The following ZFC3H1 variants were observed in gnomAD, a reference collection of about 807,000 sequenced individuals.
ZFC3H1 encodes zinc finger C3H1 domain-containing protein.
ZFC3H1 carries 71 observed loss-of-function variants against 243.7 expected under a neutral mutation model. That is an observed-to-expected ratio of 0.29 (90% CI 0.24 to 0.36). The LOEUF (loss-of-function observed/expected upper bound fraction) is 0.36. Ranked by LOEUF, ZFC3H1 falls within the 10% of genes least tolerant of loss-of-function variation. ZFC3H1 has a pLI of 1.00. For missense variants in ZFC3H1, 1,966 were observed against 2,317.1 expected, an observed-to-expected ratio of 0.85 and a Z score of 3.11; for synonymous variants, 838 against 813.0, an observed-to-expected ratio of 1.03 and a Z score of -0.52.
At chr12:71,621,699 C>A (rs1461397652) in intron 24 of ZFC3H1, among the ~76,000 whole-genome samples, 1 of 152,148 alleles carries the variant, frequency 6.6e-6, no homozygotes, top group Non-Finnish European at 1.5e-5. Context: ...CAAAATCAGT[C>A]TTCCCAACTT....
At chr12:71,661,210 G>T (rs1486586435) in intron 1 of ZFC3H1, among the ~76,000 whole-genome samples, 2 of 151,698 alleles carry the variant, frequency 1.3e-5, no homozygotes, top group Non-Finnish European at 2.9e-5. Flanking sequence ...GACTGAGGCC[G>T]AATGGCGTGA....
chr12:71,644,678 C>T (rs1337570946), intron 4 of ZFC3H1, among the ~76,000 whole-genome samples, 199 bp downstream of exon 4: 6 of 151,856 alleles, frequency 4.0e-5, no homozygotes, highest in African/African-American at 9.7e-5. Context: ...ATTAGCCAGG[C>T]GTGGTGGTGG....
intron 2 of ZFC3H1, among the ~76,000 whole-genome samples, chr12:71,649,716 A>G (rs1378885890): frequency 2.0e-5 from 3 of 152,220 alleles, no homozygotes; most frequent in Non-Finnish European, 4.4e-5. Context: ...GGAAACATTA[A>G]ACACTAAATT....
In ZFC3H1 at chr12:71,657,120, A is replaced by G; in HGVS notation, c.780T>C (p.Asp260=). 6.2e-7 allele frequency: 1 copy of G among 1,613,932 alleles called. No individual in the cohort carries two copies. The highest frequency in any genetic ancestry group is 2.2e-5 in the East Asian group (1 of 44,814). ...GGTCCTCGAAGTTCAATGTTTTAGG[A>G]TCTTCCTGCACATTCTCTTCTTTGC... The part of the protein sequence containing the change: ...LSSKEENVQE[D]PKTLNFEDQT... The change falls in exon 2 of 35, where the codon GAT becomes GAC. Residue 260 remains aspartate, a synonymous_variant. Transcript: ENST00000378743.
Position 71,636,854 on chromosome 12 carries a change from G to A in ZFC3H1, c.1931C>T (p.Pro644Leu), listed in dbSNP as rs2137540134. The change falls in exon 8 of 35, where the codon CCA becomes CTA. Residue 644 changes from proline to leucine, a missense_variant. Physicochemically the swap from Pro to Leu is moderately conservative, Grantham distance 98. Transcript: ENST00000378743. ...KSLANKRAFK[P>L]EETSSNSDPP... ...AGGTTTAGGTACCTAAATTACCTCT[G>A]GCTTAAAAGCTCTTTTATTTGCTAG... is the stretch of plus-strand genomic sequence containing the variant. 5 of 1,613,758 alleles carry A rather than the reference G, an allele frequency of 3.1e-6. No homozygotes were observed. The highest frequency in any genetic ancestry group is 1.3e-5 in the African/African-American group (1 of 74,970).
In ZFC3H1 at chr12:71,631,884, T is replaced by A; in HGVS notation, c.3364A>T (p.Ile1122Phe). The part of the protein sequence containing the change: ...ITEKVLHGQE[I>F]SVDVDFVTAQ... ...GTGACAAAATCCACATCTACAGAAA[T>A]CTCCTGCAAAAGAAAATAATAATTC... Residue 1122 changes from isoleucine (I) to phenylalanine (F), a missense_variant, in exon 16 of 35, where the codon ATT becomes TTT. This residue lies in a region of ZFC3H1 where 1,383 missense variants were observed against 1,723.7 expected (regional missense o/e 0.80). Coordinates refer to ENST00000378743, the MANE Select transcript of ZFC3H1 (RefSeq NM_144982.5). The A allele has an allele frequency of 6.2e-7, 1 of 1,609,206 alleles. No individual in the cohort carries two copies. The highest frequency in any genetic ancestry group is 8.5e-7 in the Non-Finnish European group (1 of 1,178,662).
At chr12:71,612,176 C>A (rs1234696979) in intron 31 of ZFC3H1, among the ~76,000 whole-genome samples, 1 of 151,008 alleles carries the variant, frequency 6.6e-6, no homozygotes, top group African/African-American at 2.4e-5. Context: ...CTGTTTCCCA[C>A]CCCAATTTTT....
At chr12:71,644,430 T>C (rs1448536362) in intron 4 of ZFC3H1, 112 bp from the exon 5 acceptor site, 1 of 1,169,802 alleles carries the variant, frequency 8.5e-7, no homozygotes, top group Non-Finnish European at 1.2e-6. Context: ...TCCTAAGTTG[T>C]TTATATAAGA....
At chr12:71,619,845 C>G (rs953687759) in intron 26 of ZFC3H1, 81 bp downstream of exon 26, 10 of 1,324,082 alleles carry the variant, frequency 7.6e-6, no homozygotes, top group Non-Finnish European at 1.0e-5. Context: ...GTAAAAGGAC[C>G]AGGAAACACT....
intron 6 of ZFC3H1, among the ~76,000 whole-genome samples, chr12:71,641,548 A>G (rs1283788015): frequency 6.6e-6 from 1 of 152,226 alleles, no homozygotes; most frequent in Non-Finnish European, 1.5e-5. Flanking sequence ...TAGGTCTCTC[A>G]CAGCCAATCA....
chr12:71,647,154 GA>G (rs921726714), intron 3 of ZFC3H1, among the ~76,000 whole-genome samples: 1 of 151,976 alleles, frequency 6.6e-6, no homozygotes, highest in Non-Finnish European at 1.5e-5. Flanking sequence ...AATCTCAAAA[GA>G]AAAAAACTAC....
intron 27 of ZFC3H1, among the ~76,000 whole-genome samples, chr12:71,616,904 A>T (rs115697021): frequency 9.8e-5 from 15 of 152,338 alleles, no homozygotes; most frequent in African/African-American, 3.4e-4. Flanking sequence ...CTTCAAATCT[A>T]ATCTACTTAA....
intron 32 of ZFC3H1, chr12:71,611,302 G>A: frequency 9.7e-6 from 3 of 309,622 alleles, no homozygotes; most frequent in South Asian, 1.4e-4. Context: ...AACTTTACAA[G>A]AAAAAAGCAG....
rs1055682152 is a variant in ZFC3H1, at chr12:71,630,593, T to C, written c.3724+7A>G. ...CATTTGGGAGAGAATAGGAAGTCTT[T>C]AAAAACCTGCTGAAGCAGTAATTTC... On this transcript the variant is annotated splice_region_variant and intron_variant, in intron 18 of 34. Coordinates refer to ENST00000378743, the MANE Select transcript of ZFC3H1 (RefSeq NM_144982.5). 1.3e-6 allele frequency: 2 copies of C among 1,598,470 alleles called. No homozygotes were observed. The highest frequency in any genetic ancestry group is 3.6e-5 in the Admixed American group (2 of 55,688).
Position 71,663,019 on chromosome 12 carries a change from T to C in ZFC3H1, c.592A>G (p.Lys198Glu), listed in dbSNP as rs1388063588. ...QSWREPSPPR[K>E]SSKSFGRSPS... is the part of the protein sequence containing the mutation. ...ACCGCCACGTTAAGGATACAGCTCT[T>C]CCGAGGTGGAGAGGGCTCTCGCCAG... Residue 198 changes from lysine (K) to glutamate (E), a missense_variant, in exon 1 of 35, where the codon AAG (lysine) becomes GAG (glutamate). Coordinates refer to ENST00000378743, the MANE Select transcript of ZFC3H1 (RefSeq NM_144982.5). 2 of 1,601,910 alleles carry C rather than the reference T, an allele frequency of 1.2e-6. No homozygotes were observed. The highest frequency in any genetic ancestry group is 2.2e-5 in the East Asian group (1 of 44,698).
At chr12:71,629,577 AC>A (rs775958579) in intron 19 of ZFC3H1, 31 bp downstream of exon 19, 2 of 1,339,462 alleles carry the variant, frequency 1.5e-6, no homozygotes, top group Admixed American at 3.4e-5. Flanking sequence ...ACACACACAC[AC>A]ACACACACAC....
chr12:71,655,482 G>C (rs955225853), intron 2 of ZFC3H1, among the ~76,000 whole-genome samples: 1 of 151,408 alleles, frequency 6.6e-6, no homozygotes, highest in African/African-American at 2.4e-5. Context: ...TTAAAGAAGA[G>C]AGCAGGGAAA....
At position 71,627,713 on chromosome 12, in the gene ZFC3H1, T is replaced by A. The variant is rs74101628; in HGVS notation, c.4130+38A>T. On this transcript the variant is annotated intron_variant, in intron 21 of 34. Coordinates refer to ENST00000378743, the MANE Select transcript of ZFC3H1 (RefSeq NM_144982.5). ...AAAACCTCAAACATAAAAATATAAATGTGCAACTGTTTACACAAAGATTTG... is the reference window on the plus strand; with the variant it reads ...AAAACCTCAAACATAAAAATATAAAAGTGCAACTGTTTACACAAAGATTTG... 4.2e-3 allele frequency: 6,523 copies of A among 1,558,180 alleles called. 254 individuals carry two copies. In the African/African-American group the frequency reaches 0.078, roughly 19 times the overall value.
chr12:71,643,360 C>T (rs1010807052), intron 5 of ZFC3H1, among the ~76,000 whole-genome samples: 56 of 151,682 alleles, frequency 3.7e-4, no homozygotes, highest in Non-Finnish European at 2.6e-4. Flanking sequence ...TTGCAGTGAG[C>T]CGAAACATGC....
Sources: allele counts gnomAD v4.1 joint callset (sites outside exome capture counted in the v4.1 genomes callset), GRCh38; gene constraint gnomAD v4.1.1; regional missense constraint gnomAD v4.1.1; transcripts MANE v1.5; gene names NCBI Gene and HGNC (gene_info 2026-07-23, HGNC 2026-07-21).